Variants in TSPAN3 observed in about 807,000 individuals in gnomAD.
TSPAN3 encodes tetraspanin 3, also known as tetraspanin-3.
A neutral mutation model predicts 31.1 loss-of-function variants in TSPAN3; 9 were observed. That is an observed-to-expected ratio of 0.29 (90% CI 0.17 to 0.50). The LOEUF (loss-of-function observed/expected upper bound fraction) is 0.50, where lower values mean the gene tolerates loss of function less well. Among genes scored for constraint, TSPAN3 ranks in the 20% least tolerant of loss-of-function variants. The pLI, the probability that TSPAN3 is intolerant of heterozygous loss-of-function variation, is 0.98. For synonymous variants in TSPAN3, 129 were observed against 114.3 expected (o/e 1.13, Z -0.82); for missense variants, 252 against 313.5 (o/e 0.80, Z 1.48).
chr15:77,061,686 A>G (rs771036209), intron 1 of TSPAN3, among the ~76,000 whole-genome samples: 2 of 152,230 alleles, frequency 1.3e-5, no homozygotes, highest in African/African-American at 2.4e-5. Flanking sequence ...AAGTATACCT[A>G]CATGGAGATT....
chr15:77,054,933 C>T (rs550900028), intron 3 of TSPAN3: 4 of 152,358 alleles, frequency 2.6e-5, no homozygotes, highest in Admixed American at 2.0e-4. Context: ...ATCCTCCTTA[C>T]CCCTCGGAGG....
intron 6 of TSPAN3, among the ~76,000 whole-genome samples, chr15:77,051,248 C>A (rs1422557347): frequency 6.6e-6 from 1 of 152,028 alleles, no homozygotes; most frequent in Non-Finnish European, 1.5e-5. Context: ...TAAGCTGAGG[C>A]TGGGCGCGAT....
intron 1 of TSPAN3, among the ~76,000 whole-genome samples, chr15:77,057,283 T>A (rs1466198202): frequency 6.6e-6 from 1 of 152,232 alleles, no homozygotes; most frequent in African/African-American, 2.4e-5. Flanking sequence ...ATTTGTAGAG[T>A]ACTTTGAAAC....
chr15:77,070,861 C>T (rs1388933484), intron 1 of TSPAN3, 31 bp downstream of exon 1: 2 of 1,285,664 alleles, frequency 1.6e-6, no homozygotes, highest in Non-Finnish European at 2.0e-6. Flanking sequence ...GGCCCCGCCG[C>T]CGGCCCCTCG....
At chr15:77,061,877 C>G (rs2076802860) in intron 1 of TSPAN3, among the ~76,000 whole-genome samples, 1 of 152,192 alleles carries the variant, frequency 6.6e-6, no homozygotes, top group Non-Finnish European at 1.5e-5. Context: ...CCTAAAAGCA[C>G]AGTGCCTGAC....
At position 77,044,097 on chromosome 15, in the gene TSPAN3, T is replaced by A. The variant is rs2076675300; in HGVS notation, c.*2738A>T. ...CATTTCCAAGTAAAATTAACTTTTT[T>A]AAAAGAGGCCATACAATATAGCAGT... On this transcript the variant is annotated 3_prime_UTR_variant, in exon 7 of 7. Coordinates refer to ENST00000267970, the MANE Select transcript of TSPAN3 (RefSeq NM_005724.6). 1.3e-5 allele frequency: 2 copies of A among 152,204 alleles called. No individual in the cohort carries two copies. Among genetic ancestry groups the A allele is most frequent in the Admixed American group, 6.5e-5 (1 of 15,282 alleles). The allele number at this position is 152,204 out of a possible 1,614,324, so 9.4% of individuals were successfully genotyped here.
chr15:77,052,642 TATA>T (rs1250301978), intron 5 of TSPAN3, 132 bp downstream of exon 5: 2 of 1,127,378 alleles, frequency 1.8e-6, no homozygotes, highest in African/African-American at 1.6e-5. Flanking sequence ...ACATGCATTT[TATA>T]ATAATTTACA....
At chr15:77,070,320 T>G (rs912516440) in intron 1 of TSPAN3, among the ~76,000 whole-genome samples, 1 of 152,206 alleles carries the variant, frequency 6.6e-6, no homozygotes, top group Non-Finnish European at 1.5e-5. Flanking sequence ...TCTTGGTCAA[T>G]GGATTATTTG....
chr15:77,067,245 A>G (rs2076839110), intron 1 of TSPAN3, among the ~76,000 whole-genome samples: 1 of 152,184 alleles, frequency 6.6e-6, no homozygotes. Flanking sequence ...TTTAGAAATG[A>G]TTGTTTCTGC....
chr15:77,053,646 A>T (rs2076747876), intron 4 of TSPAN3, among the ~76,000 whole-genome samples: 1 of 152,128 alleles, frequency 6.6e-6, no homozygotes, highest in Admixed American at 6.6e-5. Context: ...GATTTGCTTT[A>T]AGATAATGAA....
chr15:77,069,906 T>C (rs1375203013), intron 1 of TSPAN3: 1 of 152,224 alleles, frequency 6.6e-6, no homozygotes, highest in Non-Finnish European at 1.5e-5. Context: ...GCAAGGTGAT[T>C]TGGGACCAGA....
At chr15:77,060,891 G>A (rs1568544051) in intron 1 of TSPAN3, among the ~76,000 whole-genome samples, 2 of 152,162 alleles carry the variant, frequency 1.3e-5, no homozygotes, top group African/African-American at 2.4e-5. Context: ...GCTGAGGTCT[G>A]AAATTACAGA....
chr15:77,065,999 G>A (rs566007404), intron 1 of TSPAN3, among the ~76,000 whole-genome samples: 1 of 152,004 alleles, frequency 6.6e-6, no homozygotes, highest in Non-Finnish European at 1.5e-5. Flanking sequence ...TTCTGTTCCA[G>A]TCCCTGTAAT....
At chr15:77,064,209 A>C (rs1004254797) in intron 1 of TSPAN3, 31 of 152,336 alleles carry the variant, frequency 2.0e-4, no homozygotes, top group African/African-American at 5.5e-4. Context: ...GACTTACTTG[A>C]GACCAGCCAT....
At chr15:77,056,042 A>G (rs1003396978) in intron 2 of TSPAN3, 22 bp downstream of exon 2, 4 of 1,586,242 alleles carry the variant, frequency 2.5e-6, no homozygotes, top group African/African-American at 1.3e-5. Context: ...ATACTCCTGC[A>G]TGTTCTCACA....
intron 1 of TSPAN3, among the ~76,000 whole-genome samples, chr15:77,066,458 G>A (rs180760855): frequency 6.6e-6 from 1 of 150,968 alleles, no homozygotes; most frequent in Non-Finnish European, 1.5e-5. Flanking sequence ...TGTAGTCCCA[G>A]CTACTCGGGA....
intron 1 of TSPAN3, among the ~76,000 whole-genome samples, chr15:77,059,355 T>C (rs576534707): frequency 1.3e-5 from 2 of 152,242 alleles, no homozygotes; most frequent in African/African-American, 2.4e-5. Context: ...GTGCTGGGAT[T>C]ACAGGCGTGA....
chr15:77,061,028 C>G (rs2076797299), intron 1 of TSPAN3, among the ~76,000 whole-genome samples: 1 of 152,084 alleles, frequency 6.6e-6, no homozygotes, highest in Admixed American at 6.5e-5. Context: ...AAAATAAAGC[C>G]ATCTTGTTAT....
intron 2 of TSPAN3, 58 bp downstream of exon 2, chr15:77,056,004 CAT>C (rs2076766335): frequency 3.3e-6 from 5 of 1,534,628 alleles, no homozygotes; most frequent in Non-Finnish European, 4.4e-6. Context: ...CAAGGAGTCT[CAT>C]GTTCAAGGAG....
Sources: gnomAD v4.1 joint callset for allele counts (sites outside exome capture counted in the v4.1 genomes callset) on GRCh38, gnomAD v4.1.1 for gene constraint, MANE v1.5 for transcripts, NCBI Gene and HGNC (gene_info 2026-07-23, HGNC 2026-07-21) for gene names.